The following CD99 variants were observed in gnomAD, a reference collection of about 807,000 sequenced individuals.
CD99 encodes the protein CD99 molecule (Xg blood group).
Under a neutral mutation model 28.4 loss-of-function variants are expected in CD99, and 19 were observed. That is an observed-to-expected ratio of 0.67 (90% CI 0.47 to 0.98). The LOEUF (loss-of-function observed/expected upper bound fraction) is 0.98. CD99 is among the 50% of genes least tolerant of loss of function. CD99 has a pLI of 0.00. For synonymous variants in CD99, 103 were observed against 92.1 expected, an observed-to-expected ratio of 1.12 and a Z score of -0.67; for missense variants, 283 against 248.8, an observed-to-expected ratio of 1.14 and a Z score of -0.92.
Position 2,733,257 on chromosome X carries a change from CT to C in CD99, c.476-4942del, listed in dbSNP as rs1377616336. Reference sequence around the variant, plus strand: ...TGCTCAGAGCAGCTCTTTCTAACACCTCCCTGCTGCTGGGAGCCCCAGCGCA... The same window carrying C: ...TGCTCAGAGCAGCTCTTTCTAACACCCCCTGCTGCTGGGAGCCCCAGCGCA... On this transcript the variant is annotated intron_variant, in intron 8 of 9. Coordinates refer to ENST00000381192, the MANE Select transcript of CD99 (RefSeq NM_002414.5). 29 of 1,261,362 alleles carry C rather than the reference CT, an allele frequency of 2.3e-5. No individual in the cohort carries two copies. In the African/African-American group the frequency reaches 3.7e-4, roughly 16 times the overall value. 78.1% of individuals were successfully genotyped at this position (1,261,362 alleles called of 1,614,324 possible).
At chrX:2,719,486 A>C (rs1202123142) in intron 3 of CD99, 175 bp from the exon 4 acceptor site, 2 of 675,852 alleles carry the variant, frequency 3.0e-6, no homozygotes, top group African/African-American at 3.6e-5. Flanking sequence ...CTGAGAGAAT[A>C]GTGATGTAAA....
intron 1 of CD99, among the ~76,000 whole-genome samples, chrX:2,692,855 T>C (rs1490332593): frequency 1.3e-5 from 2 of 152,198 alleles, no homozygotes; most frequent in Non-Finnish European, 2.9e-5. Context: ...CAGGGAAATA[T>C]ATCCAAGGGA....
intron 8 of CD99, chrX:2,733,762 T>G: frequency 3.3e-6 from 1 of 303,570 alleles, no homozygotes; most frequent in Middle Eastern, 1.0e-3. Flanking sequence ...CCCTCTTCCC[T>G]GCAGTGTCCT....
intron 5 of CD99, 51 bp from the exon 6 acceptor site, chrX:2,722,576 A>C: frequency 6.5e-7 from 1 of 1,534,064 alleles, no homozygotes; most frequent in Non-Finnish European, 9.0e-7. Context: ...AGACATGAAG[A>C]CCCTTGGAGG....
At chrX:2,705,006 T>C (rs1401426865) in intron 1 of CD99, among the ~76,000 whole-genome samples, 1 of 152,238 alleles carries the variant, frequency 6.6e-6, no homozygotes, top group African/African-American at 2.4e-5. Context: ...TGAGCCACTG[T>C]ACCCGGCCAC....
chrX:2,707,442 C>T (rs1462100849), intron 1 of CD99, among the ~76,000 whole-genome samples: 2 of 152,182 alleles, frequency 1.3e-5, no homozygotes, highest in African/African-American at 4.8e-5. Context: ...GCCTTAGTCA[C>T]GTTGCAGAGG....
intron 1 of CD99, among the ~76,000 whole-genome samples, chrX:2,698,893 T>G (rs1029965734): frequency 3.9e-5 from 6 of 151,922 alleles, no homozygotes; most frequent in Admixed American, 3.9e-4. Flanking sequence ...CAGGGTTACC[T>G]GGGTAGTCTG....
In CD99 at chrX:2,710,856, T is replaced by C. The variant is rs1022054825; in HGVS notation, c.68-3566T>C. Among the ~76,000 whole-genome samples, 10 of 147,896 alleles carry C rather than the reference T, an allele frequency of 6.8e-5. 1 individual carries two copies. The highest frequency in any genetic ancestry group is 6.3e-4 in the Admixed American group (9 of 14,354). On this transcript the variant is annotated intron_variant, in intron 1 of 9. Coordinates refer to ENST00000381192, the MANE Select transcript of CD99 (RefSeq NM_002414.5). ...ACTAATGTATCTACATATGAAGATATGTAGAGATGACTTTTTTTTTTTTTT... is the reference window on the plus strand; with the variant it reads ...ACTAATGTATCTACATATGAAGATACGTAGAGATGACTTTTTTTTTTTTTT...
At position 2,698,371 on chromosome X, in the gene CD99, A is replaced by G. The variant is rs908843247; in HGVS notation, c.67+6944A>G. ...TTTTGTAGAATCGGAGTCTGACTAC[A>G]TTGCCCAGGCTGGTCTTGAACTCCT... is the stretch of plus-strand genomic sequence containing the variant. On this transcript the variant is annotated intron_variant, in intron 1 of 9. Coordinates refer to ENST00000381192, the MANE Select transcript of CD99 (RefSeq NM_002414.5). 2.6e-5 allele frequency among the ~76,000 whole-genome samples: 4 copies of G among 152,016 alleles called. No homozygotes were observed. The South Asian group carries it at 6.2e-4, about 24-fold the overall frequency.
At chrX:2,727,211 G>T in intron 8 of CD99, 1 of 737,594 alleles carries the variant, frequency 1.4e-6, no homozygotes, top group Admixed American at 1.9e-5. Context: ...AGGCACCCAG[G>T]ACCTGGGAAG....
At chrX:2,732,915 TTCCTTCCCTTCCTCCTTCCCTCTC>T (rs1326000998) in intron 8 of CD99, among the ~76,000 whole-genome samples, 4 of 148,508 alleles carry the variant, frequency 2.7e-5, no homozygotes, top group South Asian at 2.2e-4. Flanking sequence ...CTTTCCTTCC[TTCCTTCCCTTCCTCCTTCCCTCTC>T]TCCTTCCCTT....
At chrX:2,704,414 T>C (rs2048024837) in intron 1 of CD99, among the ~76,000 whole-genome samples, 1 of 148,380 alleles carries the variant, frequency 6.7e-6, no homozygotes, top group Non-Finnish European at 1.5e-5. Flanking sequence ...ACCACCTGCA[T>C]ATAATCTTTT....
At chrX:2,711,239 A>G (rs2124534197) in intron 1 of CD99, among the ~76,000 whole-genome samples, 1 of 147,754 alleles carries the variant, frequency 6.8e-6, no homozygotes, top group African/African-American at 2.5e-5. Context: ...TATATAATAT[A>G]TATATGTGTA....
At chrX:2,730,946 A>G (rs1042861491) in intron 8 of CD99, among the ~76,000 whole-genome samples, 11 of 151,368 alleles carry the variant, frequency 7.3e-5, no homozygotes, top group African/African-American at 2.7e-4. Flanking sequence ...AAAAAAAAAA[A>G]AAGAGAAAGA....
chrX:2,726,114 C>T, intron 7 of CD99, 146 bp from the exon 8 acceptor site: 1 of 617,578 alleles, frequency 1.6e-6, no homozygotes. Context: ...GGCATGCTTC[C>T]TTTGCAAATC....
At position 2,691,405 on chromosome X, in the gene CD99, G is replaced by C; in HGVS notation, c.45G>C (p.Leu15=). 6.3e-7 allele frequency: 1 copy of C among 1,585,366 alleles called. No individual in the cohort carries two copies. Among genetic ancestry groups the C allele is most frequent in the African/African-American group, 1.4e-5 (1 of 73,696 alleles). The change falls in exon 1 of 10, where the codon CTG becomes CTC. Residue 15 remains leucine (L), a synonymous_variant. Transcript: ENST00000381192. ...AALALLLFGL[L]GVLVAAPDGG... ...TGGCGCTGCTGCTCTTCGGCCTGCT[G>C]GGTGTTCTGGTCGCCGCCCCGGGTG...
intron 8 of CD99, among the ~76,000 whole-genome samples, chrX:2,734,618 T>G (rs1434714025): frequency 2.0e-5 from 3 of 151,012 alleles, no homozygotes; most frequent in African/African-American, 4.9e-5. Context: ...TTTTTCTTTT[T>G]TCTTTTTTTT....
intron 9 of CD99, 101 bp downstream of exon 9, chrX:2,738,357 T>G: frequency 1.7e-6 from 2 of 1,168,924 alleles, no homozygotes; most frequent in South Asian, 2.5e-5. Flanking sequence ...ATTCTCAAAT[T>G]TGGTTGCATG....
intron 4 of CD99, 140 bp downstream of exon 4, chrX:2,719,845 G>A (rs1449773172): frequency 2.4e-5 from 21 of 867,768 alleles, no homozygotes; most frequent in Non-Finnish European, 3.7e-5. Context: ...AGGTGTGTCG[G>A]TTTGTTCTTG....
Sources: gnomAD v4.1 joint callset for allele counts (sites outside exome capture counted in the v4.1 genomes callset) on GRCh38, gnomAD v4.1.1 for gene constraint, MANE v1.5 for transcripts, NCBI Gene and HGNC (gene_info 2026-07-23, HGNC 2026-07-21) for gene names.